Variants in TMEM64 observed in about 807,000 individuals in gnomAD.
TMEM64 encodes the protein transmembrane protein 64.
TMEM64 carries 19 observed loss-of-function variants against 24.5 expected under a neutral mutation model. The observed-to-expected ratio is 0.78, with a 90% CI of 0.54 to 1.14. The LOEUF is 1.14. Ranked by LOEUF, TMEM64 falls within the 50% of genes most tolerant of loss-of-function variation. The pLI is 0.00. For missense variants in TMEM64, 487 were observed against 493.0 expected (o/e 0.99, Z 0.12); for synonymous variants, 262 against 224.7 (o/e 1.17, Z -1.49).
Position 90,645,264 on chromosome 8 carries a change from C to T in TMEM64, c.642G>A (p.Lys214=). 3.1e-6 allele frequency: 5 copies of T among 1,611,352 alleles called. No individual in the cohort carries two copies. Among genetic ancestry groups the T allele is most frequent in the Non-Finnish European group, 3.4e-6 (4 of 1,178,700 alleles). ...CGGCCACCCAGGCGGTGAGGAGCCGCTTGCAGACCACATGGGCGATGAAGG... is the reference window on the plus strand; with the variant it reads ...CGGCCACCCAGGCGGTGAGGAGCCGTTTGCAGACCACATGGGCGATGAAGG... ...IGTFIAHVVC[K]RLLTAWVAAR... Residue 214 remains lysine, a synonymous_variant, in exon 1 of 3, where the codon AAG becomes AAA. Coordinates refer to ENST00000458549, the MANE Select transcript of TMEM64 (RefSeq NM_001008495.4). The surrounding 1 kb of genome is among the most constrained non-coding windows in gnomAD (Gnocchi z 4.2).
chr8:90,640,885 C>A (rs80334907), intron 1 of TMEM64, among the ~76,000 whole-genome samples: 6,791 of 152,162 alleles, frequency 0.045, 518 homozygotes, highest in African/African-American at 0.15. Context: ...ATATAAATAA[C>A]CAAAGTAACT....
At chr8:90,643,105 G>A (rs1462845083) in intron 1 of TMEM64, among the ~76,000 whole-genome samples, 1 of 152,054 alleles carries the variant, frequency 6.6e-6, no homozygotes, top group Non-Finnish European at 1.5e-5. Context: ...ATTGTCAGTC[G>A]ATAAATACAT....
At chr8:90,630,408 G>A (rs1238037228) in intron 2 of TMEM64, among the ~76,000 whole-genome samples, 1 of 152,052 alleles carries the variant, frequency 6.6e-6, no homozygotes, top group Non-Finnish European at 1.5e-5. Context: ...GGATAGAGAG[G>A]GCTGACTATA....
intron 1 of TMEM64, among the ~76,000 whole-genome samples, chr8:90,634,948 T>C (rs2130502960): frequency 1.3e-5 from 2 of 152,336 alleles, no homozygotes; most frequent in South Asian, 4.1e-4. Flanking sequence ...TATTAATAGA[T>C]AATGAACTGG....
intron 1 of TMEM64, among the ~76,000 whole-genome samples, chr8:90,635,028 C>G (rs991923571): frequency 1.3e-5 from 2 of 152,174 alleles, no homozygotes; most frequent in Admixed American, 1.3e-4. Flanking sequence ...TTATCGATCA[C>G]TGACTCAACT....
chr8:90,631,520 A>T, intron 2 of TMEM64, 32 bp downstream of exon 2: 1 of 1,468,040 alleles, frequency 6.8e-7, no homozygotes, highest in Non-Finnish European at 9.2e-7. Flanking sequence ...AACAGAGAGA[A>T]AAAAAGAGAC....
At chr8:90,638,230 A>G (rs1809551391) in intron 1 of TMEM64, among the ~76,000 whole-genome samples, 2 of 152,106 alleles carry the variant, frequency 1.3e-5, no homozygotes, top group Non-Finnish European at 2.9e-5. Flanking sequence ...TGAGCATTTC[A>G]TGCACCCTGT....
chr8:90,633,290 T>C (rs1346015729), intron 1 of TMEM64, among the ~76,000 whole-genome samples: 2 of 152,164 alleles, frequency 1.3e-5, no homozygotes, highest in South Asian at 2.1e-4. Flanking sequence ...CTTCAGTCAA[T>C]AGCTAGCAAA....
intron 2 of TMEM64, among the ~76,000 whole-genome samples, chr8:90,627,061 T>G (rs753596736): frequency 2.0e-5 from 3 of 152,128 alleles, no homozygotes; most frequent in Non-Finnish European, 4.4e-5. Context: ...TTATTTAATG[T>G]CCCAGCAAGT....
At chr8:90,636,922 CAACT>C (rs1476804237) in intron 1 of TMEM64, among the ~76,000 whole-genome samples, 4 of 152,114 alleles carry the variant, frequency 2.6e-5, no homozygotes, top group Non-Finnish European at 4.4e-5. Context: ...TGGCAAACAC[CAACT>C]GATTGCTGTC....
At position 90,645,087 on chromosome 8, in the gene TMEM64, A is replaced by G. The variant is rs1169589578; in HGVS notation, c.795+24T>C. 1.9e-6 allele frequency: 3 copies of G among 1,584,000 alleles called. No individual in the cohort carries two copies. The highest frequency in any genetic ancestry group is 2.6e-6 in the Non-Finnish European group (3 of 1,161,158). On this transcript the variant is annotated intron_variant, in intron 1 of 2. Transcript: ENST00000458549. This position sits in a 1 kb window ranked among gnomAD's most constrained non-coding sequence, Gnocchi z 4.2. ...CGCTCAAAAACAGACTTGGAGAGGG[A>G]TAGGCCAGCGGGACCCCACTTACCG...
In TMEM64 at chr8:90,628,061, G is replaced by T. The variant is rs116308672; in HGVS notation, c.952-2199C>A. Among the ~76,000 whole-genome samples, 15 of 152,300 alleles carry T rather than the reference G, an allele frequency of 9.8e-5. 2 individuals are homozygous for T. The South Asian group carries it at 2.9e-3, about 29-fold the overall frequency. On this transcript the variant is annotated intron_variant, in intron 2 of 2. Coordinates refer to ENST00000458549, the MANE Select transcript of TMEM64 (RefSeq NM_001008495.4). Reference sequence around the variant, plus strand: ...TGCACTTCTGATCCCAGGGCCTGACGATTTGTACTGTCCCCCAACACACCT... The same window carrying T: ...TGCACTTCTGATCCCAGGGCCTGACTATTTGTACTGTCCCCCAACACACCT...
At chr8:90,635,403 A>ATTTTATTT (rs1554548923) in intron 1 of TMEM64, among the ~76,000 whole-genome samples, 10 of 147,706 alleles carry the variant, frequency 6.8e-5, no homozygotes, top group African/African-American at 2.3e-4. Flanking sequence ...ATTTTATTTT[A>ATTTTATTT]TTTTTTTTGA....
chr8:90,637,952 T>A (rs568737566), intron 1 of TMEM64, among the ~76,000 whole-genome samples: 18 of 152,306 alleles, frequency 1.2e-4, no homozygotes, highest in African/African-American at 4.1e-4. Flanking sequence ...GGAGACCTCA[T>A]CAGTCAGGCA....
In TMEM64 at chr8:90,645,969, G is replaced by T; in HGVS notation, c.-64C>A. The stretch of plus-strand genomic sequence containing the variant: ...CCGCCGCGGCGCCCGTTAGGCAGCT[G>T]CCCTTCATGGCGCCCGGTTCGCCCG... On this transcript the variant is annotated 5_prime_UTR_variant, in exon 1 of 3. Coordinates refer to ENST00000458549, the MANE Select transcript of TMEM64 (RefSeq NM_001008495.4). This position sits in a 1 kb window ranked among gnomAD's most constrained non-coding sequence, Gnocchi z 4.2. 2 of 907,264 alleles carry T rather than the reference G, an allele frequency of 2.2e-6. No homozygotes were observed. Among genetic ancestry groups the T allele is most frequent in the Non-Finnish European group, 2.7e-6 (2 of 732,908 alleles). 56.2% of individuals were successfully genotyped at this position (907,264 alleles called of 1,614,324 possible).
At chr8:90,641,083 G>C (rs979675130) in intron 1 of TMEM64, among the ~76,000 whole-genome samples, 4 of 152,094 alleles carry the variant, frequency 2.6e-5, no homozygotes, top group African/African-American at 9.7e-5. Flanking sequence ...GAGAAATTAA[G>C]GGCCTCTTCC....
Position 90,623,158 on chromosome 8 carries a change from T to C in TMEM64, c.*2513A>G, listed in dbSNP as rs1487362717. On this transcript the variant is annotated 3_prime_UTR_variant, in exon 3 of 3. Transcript: ENST00000458549. ...TATTTCATAGGATTCAGAAATTATA[T>C]ATCATTTTTAAGTGTGCATTAAGCA... The C allele has an allele frequency of 1.3e-5, 2 of 152,174 alleles. No individual in the cohort carries two copies. The highest frequency in any genetic ancestry group is 2.4e-5 in the African/African-American group (1 of 41,442). The allele number at this position is 152,174 out of a possible 1,614,324, so 9.4% of individuals were successfully genotyped here. A position where few individuals can be genotyped will look rare whatever the true frequency, so the allele number is the denominator to read the frequency against.
rs1809687485 is a variant in TMEM64, at chr8:90,645,681, C to A, written c.225G>T (p.Pro75=). The change falls in exon 1 of 3, where the codon CCG becomes CCT. Residue 75 remains proline (P), a synonymous_variant. Transcript: ENST00000458549. This position sits in a 1 kb window ranked among gnomAD's most constrained non-coding sequence, Gnocchi z 4.2. ...LLGAYLERHG[P]PEASELPEPG... ...GCTCCGGCAGCTCCGAAGCCTCGGG[C>A]GGACCGTGGCGCTCCAGATAGGCGC... 2.0e-6 allele frequency: 3 copies of A among 1,481,634 alleles called. No homozygotes were observed. Among genetic ancestry groups the A allele is most frequent in the Middle Eastern group, 2.4e-4 (1 of 4,154 alleles). 91.8% of individuals were successfully genotyped at this position (1,481,634 alleles called of 1,614,324 possible).
chr8:90,645,503 C>T lies in TMEM64; in HGVS notation c.403G>A (p.Ala135Thr), dbSNP rs1301945010. Residue 135 changes from alanine to threonine, a missense_variant, in exon 1 of 3, where the codon GCT becomes ACT. Ala to Thr is a moderately conservative substitution (Grantham distance 58). Transcript: ENST00000458549. The surrounding 1 kb of genome is among the most constrained non-coding windows in gnomAD (Gnocchi z 4.2). Reference protein sequence around the residue: ...LVCVLAALCFASLALVRRYLH... With the variant: ...LVCVLAALCFTSLALVRRYLH... ...TAGCGGCGGACCAGGGCCAGGGAAGCGAAGCACAGGGCGGCCAACACGCAG... is the reference window on the plus strand; with the variant it reads ...TAGCGGCGGACCAGGGCCAGGGAAGTGAAGCACAGGGCGGCCAACACGCAG... 1.3e-6 allele frequency: 2 copies of T among 1,550,770 alleles called. No individual in the cohort carries two copies.
Sources: gnomAD v4.1 joint callset for allele counts (sites outside exome capture counted in the v4.1 genomes callset) on GRCh38, gnomAD v4.1.1 for gene constraint, Gnocchi (gnomAD v3.1) non-coding constraint, MANE v1.5 for transcripts, NCBI Gene and HGNC (gene_info 2026-07-23, HGNC 2026-07-21) for gene names.